The following COL5A2 variants were observed in gnomAD, a reference collection of about 807,000 sequenced individuals.
COL5A2 encodes collagen type V alpha 2 chain, also known as collagen alpha-2(V) chain.
In COL5A2, 23 loss-of-function variants were observed where a neutral mutation model predicts 208.2. That is an observed-to-expected ratio of 0.11 (90% confidence interval 0.08 to 0.16). The LOEUF is 0.16. Ranked by LOEUF, COL5A2 falls within the 10% of genes least tolerant of loss-of-function variation. COL5A2 has a pLI of 1.00. For synonymous variants in COL5A2, 625 were observed against 628.5 expected (o/e 0.99, Z 0.08); for missense variants, 1,590 against 1,956.4 (o/e 0.81, Z 3.53).
intron 1 of COL5A2, among the ~76,000 whole-genome samples, chr2:189,149,913 G>A (rs942016595): frequency 6.6e-6 from 1 of 152,110 alleles, no homozygotes; most frequent in African/African-American, 2.4e-5. Context: ...AGTGTTCTTT[G>A]TAAAGTCTTA....
chr2:189,324,557 A>G, the COL5A2 span, among the ~76,000 whole-genome samples: 11 of 152,296 alleles, frequency 7.2e-5, no homozygotes, highest in East Asian at 1.4e-3. Flanking sequence ...CAACAGACAC[A>G]TGAAAAAATG....
At chr2:189,047,107 C>A (rs1441029362) in intron 45 of COL5A2, among the ~76,000 whole-genome samples, 4 of 141,380 alleles carry the variant, frequency 2.8e-5, no homozygotes, top group South Asian at 2.2e-4. Context: ...GGCAACAGAG[C>A]AAGACTCTGT....
the COL5A2 span, among the ~76,000 whole-genome samples, chr2:189,405,384 A>G: frequency 2.0e-5 from 3 of 152,030 alleles, no homozygotes; most frequent in African/African-American, 7.2e-5. Flanking sequence ...GGTGCCAGCT[A>G]TGACACCCGG....
chr2:189,238,008 G>A, the COL5A2 span, among the ~76,000 whole-genome samples: 1 of 151,708 alleles, frequency 6.6e-6, no homozygotes, highest in East Asian at 1.9e-4. Context: ...CATCATAATT[G>A]AAATTGTCCA....
At chr2:189,046,363 A>G (rs553033867) in intron 45 of COL5A2, among the ~76,000 whole-genome samples, 1 of 152,258 alleles carries the variant, frequency 6.6e-6, no homozygotes, top group African/African-American at 2.4e-5. Flanking sequence ...ATCCTTCCTT[A>G]CTTCCCCTAA....
the COL5A2 span, among the ~76,000 whole-genome samples, chr2:189,379,622 A>C: frequency 6.6e-6 from 1 of 152,220 alleles, no homozygotes; most frequent in Non-Finnish European, 1.5e-5. Flanking sequence ...CTTTGTGTAC[A>C]TTATTTCATT....
chr2:189,036,537 A>T, intron 52 of COL5A2, 79 bp downstream of exon 52: 1 of 1,207,246 alleles, frequency 8.3e-7, no homozygotes, highest in Admixed American at 2.2e-5. Flanking sequence ...AAAAAATAGC[A>T]AAGTCCTAAA....
At chr2:189,207,898 T>C (rs1689161000) in intron 1 of COL5A2, among the ~76,000 whole-genome samples, 1 of 152,232 alleles carries the variant, frequency 6.6e-6, no homozygotes, top group South Asian at 2.1e-4. Flanking sequence ...TTCTGATCGC[T>C]ACTCTTGCCA....
At chr2:189,426,548 G>A in the COL5A2 span, among the ~76,000 whole-genome samples, 1 of 152,186 alleles carries the variant, frequency 6.6e-6, no homozygotes, top group African/African-American at 2.4e-5. Context: ...TAAATGTAAA[G>A]CCAAACTGTG....
At chr2:189,212,601 T>C (rs967209469) in intron 1 of COL5A2, among the ~76,000 whole-genome samples, 86 of 151,176 alleles carry the variant, frequency 5.7e-4, no homozygotes, top group African/African-American at 2.0e-3. Flanking sequence ...ATCGTGCCAC[T>C]TCACTCCAGC....
intron 1 of COL5A2, among the ~76,000 whole-genome samples, chr2:189,119,654 T>C (rs927504857): frequency 2.6e-5 from 4 of 152,104 alleles, no homozygotes; most frequent in South Asian, 2.1e-4. Context: ...AAAACAATAC[T>C]CTTGTCATTT....
At chr2:189,381,668 T>C in the COL5A2 span, among the ~76,000 whole-genome samples, 4 of 152,046 alleles carry the variant, frequency 2.6e-5, no homozygotes, top group African/African-American at 9.7e-5. Flanking sequence ...AAATAATAAA[T>C]ACTTGCGGTA....
At chr2:189,257,449 T>C in the COL5A2 span, among the ~76,000 whole-genome samples, 5 of 152,320 alleles carry the variant, frequency 3.3e-5, no homozygotes, top group East Asian at 5.8e-4. Flanking sequence ...TCTCAATATA[T>C]GGAAAAACAT....
the COL5A2 span, among the ~76,000 whole-genome samples, chr2:189,262,533 A>G: frequency 1.3e-5 from 2 of 152,258 alleles, no homozygotes; most frequent in South Asian, 4.1e-4. Context: ...TGGTTCACCG[A>G]CTAGTTCTCT....
At chr2:189,390,046 A>G in the COL5A2 span, among the ~76,000 whole-genome samples, 1 of 152,100 alleles carries the variant, frequency 6.6e-6, no homozygotes, top group Non-Finnish European at 1.5e-5. Flanking sequence ...AAAATGACTG[A>G]GCCCTAGAAC....
chr2:189,294,938 C>G, the COL5A2 span, among the ~76,000 whole-genome samples: 13 of 152,226 alleles, frequency 8.5e-5, no homozygotes, highest in African/African-American at 3.1e-4. Context: ...TCCTGAGTAG[C>G]TGGGCTACAG....
intron 1 of COL5A2, among the ~76,000 whole-genome samples, chr2:189,163,459 G>GA: frequency 6.6e-6 from 1 of 152,226 alleles, no homozygotes; most frequent in Non-Finnish European, 1.5e-5. Flanking sequence ...AGATTATTTT[G>GA]AATTTTTTTT....
intron 44 of COL5A2, 79 bp downstream of exon 44, chr2:189,049,268 A>G: frequency 2.0e-6 from 2 of 983,394 alleles, no homozygotes; most frequent in Non-Finnish European, 3.2e-6. Flanking sequence ...ATAAAATTCT[A>G]AATCAATTGC....
the COL5A2 span, among the ~76,000 whole-genome samples, chr2:189,279,357 A>G: frequency 1.3e-5 from 2 of 151,988 alleles, no homozygotes; most frequent in African/African-American, 4.8e-5. Flanking sequence ...AATCTAAATG[A>G]CAGATATTTA....
Sources: gnomAD v4.1 joint callset for allele counts (sites outside exome capture counted in the v4.1 genomes callset) on GRCh38, gnomAD v4.1.1 for gene constraint, MANE v1.5 for transcripts, NCBI Gene and HGNC (gene_info 2026-07-23, HGNC 2026-07-21) for gene names.